SPAG16: variants seen among roughly 807,000 people sequenced by gnomAD.
SPAG16 encodes the protein sperm associated antigen 16.
Under a neutral mutation model 80.4 loss-of-function variants are expected in SPAG16, and 86 were observed. That is an observed-to-expected ratio of 1.07 (90% CI 0.90 to 1.28). The LOEUF (loss-of-function observed/expected upper bound fraction) is 1.28. SPAG16 is among the 50% of genes most tolerant of loss of function. The pLI is 0.00. For synonymous variants in SPAG16, 294 were observed against 265.9 expected (o/e 1.11, Z -1.03); for missense variants, 870 against 765.3 (o/e 1.14, Z -1.61).
At chr2:214,333,585 C>T (rs373894119) in intron 15 of SPAG16, among the ~76,000 whole-genome samples, 19 of 152,268 alleles carry the variant, frequency 1.2e-4, no homozygotes, top group Middle Eastern at 3.4e-3. Flanking sequence ...TCCCTCTCAC[C>T]GGAACATTTC....
At chr2:213,336,918 A>T (rs2064393566) in intron 5 of SPAG16, among the ~76,000 whole-genome samples, 1 of 152,214 alleles carries the variant, frequency 6.6e-6, no homozygotes, top group East Asian at 1.9e-4. Context: ...CCTGCTGACT[A>T]GGTGAGACCT....
intron 15 of SPAG16, among the ~76,000 whole-genome samples, chr2:214,325,357 A>C (rs992077132): frequency 1.3e-5 from 2 of 152,222 alleles, no homozygotes; most frequent in Non-Finnish European, 2.9e-5. Context: ...TTTTAGTATC[A>C]AGGAACAAAA....
intron 10 of SPAG16, among the ~76,000 whole-genome samples, chr2:213,531,780 A>G (rs2076076195): frequency 6.6e-6 from 1 of 152,120 alleles, no homozygotes; most frequent in African/African-American, 2.4e-5. Flanking sequence ...CTTTTTTACT[A>G]ATTTTTCTGT....
At chr2:213,457,806 A>T (rs1312383879) in intron 9 of SPAG16, among the ~76,000 whole-genome samples, 1 of 152,158 alleles carries the variant, frequency 6.6e-6, no homozygotes, top group African/African-American at 2.4e-5. Flanking sequence ...GTATACTTAC[A>T]TTCAATGTAA....
chr2:213,616,918 T>A (rs1464289228), intron 10 of SPAG16, among the ~76,000 whole-genome samples: 1 of 152,144 alleles, frequency 6.6e-6, no homozygotes. Context: ...CCTTGGGGTC[T>A]AGGAAGCAAG....
chr2:214,375,712 T>C (rs1700083599), intron 15 of SPAG16, among the ~76,000 whole-genome samples: 1 of 152,156 alleles, frequency 6.6e-6, no homozygotes, highest in Non-Finnish European at 1.5e-5. Flanking sequence ...AGATTTGAGG[T>C]ATATAGATTT....
chr2:214,248,445 G>A (rs1690017517), intron 15 of SPAG16, among the ~76,000 whole-genome samples: 1 of 151,858 alleles, frequency 6.6e-6, no homozygotes, highest in Non-Finnish European at 1.5e-5. Context: ...AGCCTCCTGA[G>A]TAGCTGGGAC....
intron 9 of SPAG16, among the ~76,000 whole-genome samples, chr2:213,470,713 G>T (rs1000512763): frequency 6.6e-6 from 1 of 152,214 alleles, no homozygotes; most frequent in African/African-American, 2.4e-5. Flanking sequence ...GGCCCATTGG[G>T]CCATGACAGG....
At chr2:214,356,426 ATCT>A (rs1698808623) in intron 15 of SPAG16, among the ~76,000 whole-genome samples, 1 of 46,804 alleles carries the variant, frequency 2.1e-5, no homozygotes, top group Admixed American at 2.3e-4. Flanking sequence ...TAATTTATCA[ATCT>A]TCTCTCTGCC....
intron 3 of SPAG16, among the ~76,000 whole-genome samples, chr2:213,302,039 T>C (rs2062760724): frequency 6.6e-6 from 1 of 152,146 alleles, no homozygotes; most frequent in African/African-American, 2.4e-5. Context: ...ATTGTTGCAA[T>C]CATAACACAA....
chr2:213,425,322 A>G (rs1197012399), intron 9 of SPAG16, among the ~76,000 whole-genome samples: 1 of 151,732 alleles, frequency 6.6e-6, no homozygotes, highest in African/African-American at 2.4e-5. Flanking sequence ...TCCGTCTCCA[A>G]AAAAAGAATG....
chr2:214,224,057 G>A (rs1449544135), intron 15 of SPAG16, among the ~76,000 whole-genome samples: 3 of 152,200 alleles, frequency 2.0e-5, no homozygotes, highest in Non-Finnish European at 4.4e-5. Flanking sequence ...GCAAAGACCA[G>A]CTGTTAGTGG....
intron 12 of SPAG16, among the ~76,000 whole-genome samples, chr2:213,978,876 T>A (rs751755048): frequency 2.0e-5 from 3 of 151,964 alleles, no homozygotes; most frequent in African/African-American, 4.8e-5. Flanking sequence ...ACAATGGGGG[T>A]TAGTGCTTCA....
chr2:213,982,501 A>AT (rs1362048165), intron 12 of SPAG16, among the ~76,000 whole-genome samples: 3 of 152,020 alleles, frequency 2.0e-5, no homozygotes, highest in Admixed American at 1.3e-4. Context: ...GTTTTGAAGT[A>AT]TTTTTTAGCT....
chr2:213,606,513 C>T (rs767568565), intron 10 of SPAG16, among the ~76,000 whole-genome samples: 2 of 152,186 alleles, frequency 1.3e-5, no homozygotes, highest in Non-Finnish European at 2.9e-5. Context: ...GACCATGATA[C>T]ATATGCTTCT....
At chr2:214,317,733 C>T (rs766294582) in intron 15 of SPAG16, among the ~76,000 whole-genome samples, 1 of 152,176 alleles carries the variant, frequency 6.6e-6, no homozygotes, top group Non-Finnish European at 1.5e-5. Flanking sequence ...GCATTAGACA[C>T]AACCATGGGC....
At chr2:213,566,945 T>A (rs2059789479) in intron 10 of SPAG16, among the ~76,000 whole-genome samples, 1 of 152,220 alleles carries the variant, frequency 6.6e-6, no homozygotes, top group South Asian at 2.1e-4. Context: ...GCACTTAATT[T>A]TCTTATCAAA....
Position 213,448,402 on chromosome 2 carries a change from T to G in SPAG16, c.943-41561T>G, listed in dbSNP as rs7574905. Among the ~76,000 whole-genome samples the G allele has an allele frequency of 2.0e-3, 305 of 152,334 alleles. 1 individual carries two copies. The highest frequency in any genetic ancestry group is 7.1e-3 in the African/African-American group (297 of 41,570). On this transcript the variant is annotated intron_variant, in intron 9 of 15. Transcript: ENST00000331683. The stretch of plus-strand genomic sequence containing the variant: ...TTGTGCCTGGAGCTGATGCATTAGA[T>G]CAGGTGGAAGAAAGTCTTTCTGGAC...
chr2:213,293,205 C>T (rs927118953), intron 1 of SPAG16, among the ~76,000 whole-genome samples: 9 of 152,098 alleles, frequency 5.9e-5, no homozygotes, highest in South Asian at 2.1e-4. Context: ...AAGTGCCTTC[C>T]GCCATGATTG....
Sources: gnomAD v4.1 joint callset for allele counts (sites outside exome capture counted in the v4.1 genomes callset) on GRCh38, gnomAD v4.1.1 for gene constraint, MANE v1.5 for transcripts, NCBI Gene and HGNC (gene_info 2026-07-23, HGNC 2026-07-21) for gene names.